Variants in HMG20A observed in about 807,000 individuals in gnomAD.
HMG20A encodes high mobility group protein 20A.
Under a neutral mutation model 43.9 loss-of-function variants are expected in HMG20A, and 17 were observed. That is an observed-to-expected ratio of 0.39 (90% CI 0.27 to 0.58). HMG20A has a LOEUF of 0.58. HMG20A is among the 20% of genes least tolerant of loss of function. The probability of loss-of-function intolerance (pLI) is 0.59; values close to 1 mark genes in which losing one functional copy is unlikely to be tolerated. For missense variants in HMG20A, 341 were observed against 438.2 expected (o/e 0.78, Z 1.98); for synonymous variants, 132 against 147.5 (o/e 0.89, Z 0.76).
chr15:77,516,417 A>T, the HMG20A span, among the ~76,000 whole-genome samples: 1 of 152,160 alleles, frequency 6.6e-6, no homozygotes, highest in African/African-American at 2.4e-5. Flanking sequence ...TCAAGGCTGC[A>T]ATGAGCCATG....
intron 6 of HMG20A, among the ~76,000 whole-genome samples, chr15:77,476,210 G>A (rs1400313521): frequency 6.6e-6 from 1 of 152,108 alleles, no homozygotes; most frequent in Non-Finnish European, 1.5e-5. Context: ...GGCTGGGCAC[G>A]GTGGCTCAAG....
At chr15:77,423,799 G>A (rs1029131646) in intron 1 of HMG20A, among the ~76,000 whole-genome samples, 2 of 152,140 alleles carry the variant, frequency 1.3e-5, no homozygotes, top group Admixed American at 6.5e-5. Flanking sequence ...TTTGGTGGTG[G>A]TTTGTTTTTG....
chr15:77,497,600 T>C, the HMG20A span, among the ~76,000 whole-genome samples: 6 of 151,062 alleles, frequency 4.0e-5, no homozygotes, highest in African/African-American at 1.5e-4. Context: ...AGCACAGCAG[T>C]GGGTCTGGGG....
chr15:77,473,779 G>A (rs1160800049), intron 6 of HMG20A, among the ~76,000 whole-genome samples: 1 of 150,972 alleles, frequency 6.6e-6, no homozygotes, highest in Non-Finnish European at 1.5e-5. Context: ...TTAGACACAT[G>A]TTAAACCAAA....
At chr15:77,474,882 G>T (rs935794595) in intron 6 of HMG20A, among the ~76,000 whole-genome samples, 7 of 151,956 alleles carry the variant, frequency 4.6e-5, no homozygotes, top group African/African-American at 1.7e-4. Context: ...AGTTCAAAAG[G>T]GCCTCTTTTC....
At chr15:77,450,700 C>T (rs1310256124) in intron 1 of HMG20A, among the ~76,000 whole-genome samples, 1 of 152,164 alleles carries the variant, frequency 6.6e-6, no homozygotes, top group Non-Finnish European at 1.5e-5. Flanking sequence ...TGCACCTGTG[C>T]CAGCTGTTAA....
chr15:77,511,793 G>A, the HMG20A span, among the ~76,000 whole-genome samples: 1 of 152,156 alleles, frequency 6.6e-6, no homozygotes, highest in Non-Finnish European at 1.5e-5. Context: ...TGGAACCCTT[G>A]GGCACTGGGT....
the HMG20A span, among the ~76,000 whole-genome samples, chr15:77,510,289 C>T: frequency 1.4e-3 from 214 of 152,284 alleles, no homozygotes; most frequent in African/African-American, 5.0e-3. Flanking sequence ...TACCTGGCTG[C>T]GCATGGATGA....
intron 1 of HMG20A, among the ~76,000 whole-genome samples, chr15:77,436,253 G>C (rs1453045001): frequency 6.6e-6 from 1 of 151,842 alleles, no homozygotes. Context: ...CCCCTTACCC[G>C]TTCAACACAC....
chr15:77,494,976 C>T, the HMG20A span, among the ~76,000 whole-genome samples: 1 of 152,176 alleles, frequency 6.6e-6, no homozygotes, highest in South Asian at 2.1e-4. Flanking sequence ...GAGCTCCAGA[C>T]ATTTAATGAG....
At chr15:77,516,039 G>T in the HMG20A span, among the ~76,000 whole-genome samples, 2 of 152,110 alleles carry the variant, frequency 1.3e-5, no homozygotes, top group Non-Finnish European at 2.9e-5. Flanking sequence ...AGGAGGAGGT[G>T]GTCTCACACA....
intron 2 of HMG20A, among the ~76,000 whole-genome samples, chr15:77,458,745 T>C (rs2072679351): frequency 6.6e-6 from 1 of 152,192 alleles, no homozygotes; most frequent in Non-Finnish European, 1.5e-5. Flanking sequence ...GTGACTCCAG[T>C]TAAGAAAATT....
the HMG20A span, among the ~76,000 whole-genome samples, chr15:77,504,462 T>C: frequency 6.6e-6 from 1 of 152,248 alleles, no homozygotes; most frequent in Non-Finnish European, 1.5e-5. Context: ...AGTCTGACAT[T>C]TTGTAAGGAA....
the HMG20A span, among the ~76,000 whole-genome samples, chr15:77,513,610 T>A: frequency 2.6e-5 from 4 of 152,212 alleles, no homozygotes; most frequent in Non-Finnish European, 5.9e-5. Flanking sequence ...GGCTTGCAGA[T>A]AGCTGCTTTC....
chr15:77,448,467 T>C (rs2073699597), intron 1 of HMG20A, among the ~76,000 whole-genome samples: 2 of 152,204 alleles, frequency 1.3e-5, no homozygotes, highest in Non-Finnish European at 2.9e-5. Context: ...TTCCTAAAGA[T>C]TACCTCAGTG....
In HMG20A at chr15:77,471,094, G is replaced by A. The variant is rs1412325471; in HGVS notation, c.583+52G>A. ...TGTAGTTTGTTGTGGGTGATGGAGTGTCATAAAGCCAACTGTTAAGAGTGG... is the reference window on the plus strand; with the variant it reads ...TGTAGTTTGTTGTGGGTGATGGAGTATCATAAAGCCAACTGTTAAGAGTGG... On this transcript the variant is annotated intron_variant, in intron 5 of 9. Transcript: ENST00000336216. The A allele has an allele frequency of 2.6e-6, 4 of 1,565,756 alleles. No homozygotes were observed. The African/African-American group carries it at 4.2e-5, about 16-fold the overall frequency.
chr15:77,452,198 G>C (rs1030556114), intron 1 of HMG20A, among the ~76,000 whole-genome samples: 2 of 152,172 alleles, frequency 1.3e-5, no homozygotes, highest in Non-Finnish European at 2.9e-5. Context: ...TGATGAAGCT[G>C]TGAAATACAT....
At position 77,464,491 on chromosome 15, in the gene HMG20A, C is replaced by G; in HGVS notation, c.237+104C>G. Reference sequence around the variant, plus strand: ...GGTGTTCATATGACCTTCTTATATTCTTAGGCTGATACCTGCAAAATTTTG... The same window carrying G: ...GGTGTTCATATGACCTTCTTATATTGTTAGGCTGATACCTGCAAAATTTTG... On this transcript the variant is annotated intron_variant, in intron 3 of 9. Coordinates refer to ENST00000336216, the MANE Select transcript of HMG20A (RefSeq NM_001304504.2). 2.5e-6 allele frequency: 3 copies of G among 1,194,202 alleles called. No individual in the cohort carries two copies. The South Asian group carries it at 4.6e-5, about 18-fold the overall frequency. 74.0% of individuals were successfully genotyped at this position (1,194,202 alleles called of 1,614,324 possible). A position where few individuals can be genotyped will look rare whatever the true frequency, so the allele number is the denominator to read the frequency against.
At chr15:77,496,231 A>T in the HMG20A span, among the ~76,000 whole-genome samples, 1 of 152,228 alleles carries the variant, frequency 6.6e-6, no homozygotes, top group African/African-American at 2.4e-5. Flanking sequence ...TATTGATTCT[A>T]GGTGATGTTA....
Sources: gnomAD v4.1 joint callset for allele counts (sites outside exome capture counted in the v4.1 genomes callset) on GRCh38, gnomAD v4.1.1 for gene constraint, MANE v1.5 for transcripts, NCBI Gene and HGNC (gene_info 2026-07-23, HGNC 2026-07-21) for gene names.